Variants in CFAP99 observed in about 807,000 individuals in gnomAD.
CFAP99 encodes cilia- and flagella-associated protein 99.
CFAP99 carries 84 observed loss-of-function variants against 82.7 expected under a neutral mutation model. That is an observed-to-expected ratio of 1.02 (90% CI 0.85 to 1.22). CFAP99 has a LOEUF of 1.22. Among genes scored for constraint, CFAP99 ranks in the 50% most tolerant of loss-of-function variants. The probability of loss-of-function intolerance (pLI) is 0.00; values close to 1 mark genes in which losing one functional copy is unlikely to be tolerated. For synonymous variants in CFAP99, 456 were observed against 429.5 expected (o/e 1.06, Z -0.76); for missense variants, 1,059 against 983.5 (o/e 1.08, Z -1.03).
chr4:2,429,462 GGCAAACTGGCAGCGGC>G (rs1733753348), intron 2 of CFAP99, among the ~76,000 whole-genome samples: 1 of 152,176 alleles, frequency 6.6e-6, no homozygotes, highest in Non-Finnish European at 1.5e-5. Flanking sequence ...CGATCCTACC[GGCAAACTGGCAGCGGC>G]AGACACAACG....
chr4:2,440,149 CTT>C (rs1253819268), intron 4 of CFAP99, among the ~76,000 whole-genome samples: 10 of 104,002 alleles, frequency 9.6e-5, no homozygotes, highest in Admixed American at 1.9e-4. Flanking sequence ...GCTTGACATT[CTT>C]TTTTTTTTTT....
chr4:2,433,197 A>G (rs1733834278), intron 2 of CFAP99, among the ~76,000 whole-genome samples: 1 of 152,184 alleles, frequency 6.6e-6, no homozygotes, highest in Admixed American at 6.5e-5. Context: ...GGCTGATGGC[A>G]TAGGGCTCAA....
intron 10 of CFAP99, 110 bp downstream of exon 10, chr4:2,451,462 G>C (rs1470093190): frequency 1.0e-6 from 1 of 967,576 alleles, no homozygotes; most frequent in African/African-American, 1.6e-5. Context: ...GGACTCGGGG[G>C]TCACAACAGG....
intron 2 of CFAP99, chr4:2,426,808 C>A: frequency 1.8e-6 from 1 of 544,008 alleles, no homozygotes; most frequent in Non-Finnish European, 3.3e-6. Flanking sequence ...TTGGCCGGGA[C>A]CCGGGATATG....
chr4:2,452,253 G>A, exon 11 of CFAP99: 1 of 1,536,098 alleles, frequency 6.5e-7, no homozygotes, highest in Non-Finnish European at 8.7e-7. Context: ...AGTGCCGGCG[G>A]TTGCAAGGGA....
chr4:2,456,816 G>A (rs1734447697), intron 11 of CFAP99, among the ~76,000 whole-genome samples: 1 of 152,112 alleles, frequency 6.6e-6, no homozygotes, highest in African/African-American at 2.4e-5. Flanking sequence ...ACCGCGCCCG[G>A]CCAATAACTT....
intron 11 of CFAP99, 37 bp downstream of exon 11, chr4:2,452,383 C>G: frequency 6.6e-7 from 1 of 1,523,526 alleles, no homozygotes; most frequent in Non-Finnish European, 8.8e-7. Context: ...ATGGGGCAGC[C>G]AGCTGAACTG....
downstream of CFAP99, chr4:2,462,979 C>T: frequency 1.9e-6 from 2 of 1,052,870 alleles, no homozygotes; most frequent in Non-Finnish European, 2.4e-6. The surrounding 1 kb of genome is among the most constrained non-coding windows in gnomAD (Gnocchi z 4.1). Flanking sequence ...CACCCGCCGC[C>T]CCAATAAAGA....
Position 2,437,019 on chromosome 4 carries a change from G to A in CFAP99, c.256+1G>A, listed in dbSNP as rs764234514. The A allele has an allele frequency of 9.1e-6, 14 of 1,536,032 alleles. No individual in the cohort carries two copies. Among genetic ancestry groups the A allele is most frequent in the South Asian group, 1.2e-5 (1 of 84,068 alleles). On this transcript the variant is annotated splice_donor_variant, in intron 3 of 14. Coordinates refer to ENST00000635017, the Ensembl canonical transcript of CFAP99. LOFTEE classifies it high-confidence loss of function. ...CGGGTTGACCACAGCCGCTTCGAGG[G>A]TAGGTGCCTGGCTGGTCCCCAGGGC...
chr4:2,446,623 C>A lies in CFAP99; in HGVS notation c.642+1315C>A, dbSNP rs1734172170. Among the ~76,000 whole-genome samples, 1 of 152,190 alleles carries A rather than the reference C, an allele frequency of 6.6e-6. No homozygotes were observed. The highest frequency in any genetic ancestry group is 2.1e-4 in the South Asian group (1 of 4,828). The stretch of plus-strand genomic sequence containing the variant: ...GGCCGGGCTGGTCCCTAACTGACCT[C>A]AGGTGATCTGCCCACCTAGGCCTCC... On this transcript the variant is annotated intron_variant, in intron 6 of 14. Transcript: ENST00000635017. This position sits in a 1 kb window ranked among gnomAD's most constrained non-coding sequence, Gnocchi z 5.0.
intron 2 of CFAP99, among the ~76,000 whole-genome samples, chr4:2,429,820 T>C (rs1324922065): frequency 1.3e-5 from 2 of 152,162 alleles, no homozygotes; most frequent in Admixed American, 1.3e-4. Context: ...CTTGATCTCC[T>C]GACCTTGTGA....
intron 4 of CFAP99, among the ~76,000 whole-genome samples, chr4:2,438,866 G>A (rs999283233): frequency 7.2e-5 from 11 of 152,194 alleles, no homozygotes; most frequent in South Asian, 2.1e-4. Context: ...ATCCGATTCC[G>A]CTCCTGGGGG....
intron 11 of CFAP99, among the ~76,000 whole-genome samples, chr4:2,454,581 C>CTTTTTTTTTTTTTTTTTT (rs200727697): frequency 3.3e-4 from 31 of 94,678 alleles, no homozygotes; most frequent in South Asian, 3.6e-4. Flanking sequence ...TGTTTTTTTT[C>CTTTTTTTTTTTTTTTTTT]TTTTTTTTTT....
At chr4:2,436,881 G>A in exon 3 of CFAP99, 1 of 1,535,900 alleles carries the variant, frequency 6.5e-7, no homozygotes, top group African/African-American at 1.4e-5. Flanking sequence ...CAGGCTCTGA[G>A]CCCCCAGAAG....
exon 9 of CFAP99, chr4:2,451,006 G>T: frequency 6.5e-7 from 1 of 1,536,018 alleles, no homozygotes; most frequent in South Asian, 1.2e-5. Context: ...CTCCGAAGCT[G>T]ACCTTCTATA....
intron 1 of CFAP99, 46 bp from the exon 2 acceptor site, chr4:2,426,413 C>A (rs34701736): frequency 8.1e-7 from 1 of 1,234,010 alleles, no homozygotes; most frequent in Non-Finnish European, 1.1e-6. Context: ...GGTCCTGCGG[C>A]TACATCCCAG....
rs1466809097 is a variant in CFAP99 at position 2,459,099 on chromosome 4, C to A, written c.1304-8C>A. ...CCAGCCACCTCAGCTCCTGGCTTGG[C>A]CCCCAAGTTCAGGAGGCGATCGAGG... On this transcript the variant is annotated splice_polypyrimidine_tract_variant and splice_region_variant and intron_variant, in intron 12 of 14. Transcript: ENST00000635017. The A allele has an allele frequency of 2.0e-6, 3 of 1,503,956 alleles. No individual in the cohort carries two copies. The highest frequency in any genetic ancestry group is 1.7e-4 in the Middle Eastern group (1 of 5,808). The allele number at this position is 1,503,956 out of a possible 1,614,324, so 93.2% of individuals were successfully genotyped here. A position where few individuals can be genotyped will look rare whatever the true frequency, so the allele number is the denominator to read the frequency against.
At chr4:2,450,360 C>T (rs1203808) in intron 8 of CFAP99, 83,496 of 338,262 alleles carry the variant, frequency 0.25, 10,992 homozygotes, top group African/African-American at 0.32. Context: ...AAGGTAATGA[C>T]GACAGGAGAG....
At chr4:2,445,416 AG>A in intron 6 of CFAP99, 108 bp downstream of exon 6, 3 of 1,003,790 alleles carry the variant, frequency 3.0e-6, no homozygotes, top group Non-Finnish European at 3.9e-6. Flanking sequence ...CCCAGGGCTG[AG>A]GGTGCACTGG....
Sources: gnomAD v4.1 joint callset for allele counts (sites outside exome capture counted in the v4.1 genomes callset) on GRCh38, gnomAD v4.1.1 for gene constraint, Gnocchi (gnomAD v3.1) non-coding constraint, MANE v1.5 for transcripts, NCBI Gene and HGNC (gene_info 2026-07-23, HGNC 2026-07-21) for gene names.